Variants in SORCS1 observed in about 807,000 individuals in gnomAD.
SORCS1 encodes VPS10 domain-containing receptor SorCS1.
Under a neutral mutation model 146.1 loss-of-function variants are expected in SORCS1, and 60 were observed. That is an observed-to-expected ratio of 0.41 (90% CI 0.33 to 0.51). The LOEUF is 0.51. Ranked by LOEUF, SORCS1 falls within the 20% of genes least tolerant of loss-of-function variation. The pLI is 0.21. For missense variants in SORCS1, 1,352 were observed against 1,487.6 expected (o/e 0.91, Z 1.50); for synonymous variants, 637 against 584.0 (o/e 1.09, Z -1.31).
intron 2 of SORCS1, among the ~76,000 whole-genome samples, chr10:106,930,649 G>A (rs564286450): frequency 6.6e-6 from 1 of 152,152 alleles, no homozygotes; most frequent in Non-Finnish European, 1.5e-5. Context: ...CTTGAATCAG[G>A]TGCATTCTGT....
Position 106,739,345 on chromosome 10 carries a change from C to A in SORCS1, c.960-9231G>T, listed in dbSNP as rs112032711. 9.1e-3 allele frequency among the ~76,000 whole-genome samples: 1,390 copies of A among 152,002 alleles called. 23 individuals carry two copies. The highest frequency in any genetic ancestry group is 0.032 in the African/African-American group (1,321 of 41,446). ...ACTAAAAATACAAAAATTATCCTGG[C>A]GTGGTGGCACATACCTGCAATCCCA... On this transcript the variant is annotated intron_variant, in intron 5 of 25. Coordinates refer to ENST00000263054, the MANE Select transcript of SORCS1 (RefSeq NM_052918.5).
At chr10:106,582,477 T>C (rs1250528561) in intron 24 of SORCS1, among the ~76,000 whole-genome samples, 1 of 152,174 alleles carries the variant, frequency 6.6e-6, no homozygotes, top group African/African-American at 2.4e-5. Flanking sequence ...TGCTTGCTGA[T>C]TGGTGCCTGA....
At chr10:107,134,133 G>C (rs1334983555) in intron 1 of SORCS1, among the ~76,000 whole-genome samples, 1 of 152,116 alleles carries the variant, frequency 6.6e-6, no homozygotes, top group Non-Finnish European at 1.5e-5. Context: ...AAAGTAACTG[G>C]CATACTTTCA....
chr10:106,926,682 C>G (rs1564818028), intron 2 of SORCS1, among the ~76,000 whole-genome samples: 1 of 152,018 alleles, frequency 6.6e-6, no homozygotes, highest in Non-Finnish European at 1.5e-5. Context: ...GGAACAAACA[C>G]AAATATAGCA....
chr10:107,100,156 C>T (rs1017266600), intron 1 of SORCS1, among the ~76,000 whole-genome samples: 1 of 152,060 alleles, frequency 6.6e-6, no homozygotes, highest in African/African-American at 2.4e-5. Flanking sequence ...AATGTTTTTA[C>T]CTCACATATA....
At chr10:106,951,054 T>C (rs550149578) in intron 2 of SORCS1, among the ~76,000 whole-genome samples, 3 of 152,296 alleles carry the variant, frequency 2.0e-5, no homozygotes, top group Admixed American at 1.3e-4. Context: ...ACAACACTTA[T>C]GGTTGTGTGA....
chr10:107,058,104 C>T (rs969458697), intron 1 of SORCS1, among the ~76,000 whole-genome samples: 4 of 152,100 alleles, frequency 2.6e-5, no homozygotes, highest in South Asian at 2.1e-4. Context: ...TGCAGTGGTG[C>T]GATCTTGGCT....
intron 1 of SORCS1, among the ~76,000 whole-genome samples, chr10:107,008,363 T>A (rs772295264): frequency 6.6e-6 from 1 of 152,208 alleles, no homozygotes; most frequent in East Asian, 1.9e-4. Flanking sequence ...AACACAAATA[T>A]ACATTCTAAA....
chr10:106,742,310 G>A (rs1232745890), intron 5 of SORCS1, among the ~76,000 whole-genome samples: 1 of 152,114 alleles, frequency 6.6e-6, no homozygotes, highest in Non-Finnish European at 1.5e-5. Context: ...TCTTAGGGAT[G>A]GAACGCAAGT....
intron 2 of SORCS1, among the ~76,000 whole-genome samples, chr10:106,956,109 A>G (rs1330296764): frequency 1.3e-5 from 2 of 151,908 alleles, no homozygotes; most frequent in Non-Finnish European, 2.9e-5. Flanking sequence ...AGCCTGGGCA[A>G]CAAGACCAAA....
chr10:106,779,186 A>G lies in SORCS1; in HGVS notation c.727-2494T>C, dbSNP rs188643429. Reference sequence around the variant, plus strand: ...ATGCAGCCCTCACCTAAAACTCTCCATCTGAGAATTTGACATTTTGGAAAT... The same window carrying G: ...ATGCAGCCCTCACCTAAAACTCTCCGTCTGAGAATTTGACATTTTGGAAAT... On this transcript the variant is annotated intron_variant, in intron 3 of 25. Coordinates refer to ENST00000263054, the MANE Select transcript of SORCS1 (RefSeq NM_052918.5). Among the ~76,000 whole-genome samples, 64 of 152,244 alleles carry G rather than the reference A, an allele frequency of 4.2e-4. No individual in the cohort carries two copies. In the East Asian group the frequency reaches 0.011, roughly 26 times the overall value.
intron 5 of SORCS1, among the ~76,000 whole-genome samples, chr10:106,757,199 C>T (rs1216400815): frequency 1.3e-5 from 2 of 151,820 alleles, no homozygotes; most frequent in African/African-American, 4.8e-5. Context: ...ACCATTGCTA[C>T]CAGAAATAAA....
In SORCS1 at chr10:106,577,053, A is replaced by G. The variant is rs556210322; in HGVS notation, c.*367T>C. The G allele has an allele frequency of 1.7e-4, 73 of 434,926 alleles. No individual in the cohort carries two copies. The Middle Eastern group carries it at 2.6e-3, about 16-fold the overall frequency. The allele number at this position is 434,926 out of a possible 1,614,324, so 26.9% of individuals were successfully genotyped here. Reference sequence around the variant, plus strand: ...ACTGCCCCTCCAGACATGTTCTCAGAGTATTGTCCACATGCACAGGCTTAA... The same window carrying G: ...ACTGCCCCTCCAGACATGTTCTCAGGGTATTGTCCACATGCACAGGCTTAA... On this transcript the variant is annotated 3_prime_UTR_variant, in exon 26 of 26. Coordinates refer to ENST00000263054, the MANE Select transcript of SORCS1 (RefSeq NM_052918.5).
chr10:107,155,543 G>A (rs1002925928), intron 1 of SORCS1, among the ~76,000 whole-genome samples: 4 of 152,222 alleles, frequency 2.6e-5, no homozygotes, highest in East Asian at 1.9e-4. Flanking sequence ...GGGCGAGCAG[G>A]GCTGCACATG....
chr10:106,865,945 A>G (rs904692912), intron 2 of SORCS1, among the ~76,000 whole-genome samples: 1 of 150,264 alleles, frequency 6.7e-6, no homozygotes, highest in African/African-American at 2.5e-5. Context: ...AGGCAGGAGA[A>G]TCACTTGAAC....
intron 6 of SORCS1, among the ~76,000 whole-genome samples, chr10:106,721,545 T>G (rs1855781345): frequency 6.6e-6 from 1 of 152,226 alleles, no homozygotes; most frequent in African/African-American, 2.4e-5. Flanking sequence ...AGGATATGCC[T>G]TTTTAAAATT....
chr10:106,983,843 T>C (rs1956338985), intron 1 of SORCS1, among the ~76,000 whole-genome samples: 1 of 152,072 alleles, frequency 6.6e-6, no homozygotes, highest in Non-Finnish European at 1.5e-5. Context: ...ACCGTAGCAA[T>C]TGTGGGAAAT....
At chr10:107,023,582 A>T (rs1958249890) in intron 1 of SORCS1, among the ~76,000 whole-genome samples, 1 of 152,214 alleles carries the variant, frequency 6.6e-6, no homozygotes, top group African/African-American at 2.4e-5. Context: ...TAATAATTCA[A>T]GATAGTACAC....
At position 106,871,846 on chromosome 10, in the gene SORCS1, T is replaced by C. The variant is rs1589601188; in HGVS notation, c.627-42173A>G. ...ATCTGTACAACAAACCCCCATGACA[T>C]AAGTTTACCTATGCAACAAAGCTTC... On this transcript the variant is annotated intron_variant, in intron 2 of 25. Transcript: ENST00000263054. 2.6e-5 allele frequency among the ~76,000 whole-genome samples: 4 copies of C among 151,738 alleles called. No individual in the cohort carries two copies. In the East Asian group the frequency reaches 7.8e-4, roughly 29 times the overall value.
Sources: allele counts gnomAD v4.1 joint callset (sites outside exome capture counted in the v4.1 genomes callset), GRCh38; gene constraint gnomAD v4.1.1; transcripts MANE v1.5; gene names NCBI Gene and HGNC (gene_info 2026-07-23, HGNC 2026-07-21).